The following PLVAP variants were observed in gnomAD, a reference collection of about 807,000 sequenced individuals.
PLVAP encodes the protein plasmalemma vesicle-associated protein.
PLVAP carries 34 observed loss-of-function variants against 43.1 expected under a neutral mutation model. The observed-to-expected ratio is 0.79, with a 90% CI of 0.60 to 1.05. PLVAP has a LOEUF of 1.05. Ranked by LOEUF, PLVAP falls within the 50% of genes least tolerant of loss-of-function variation. PLVAP has a pLI of 0.00. For synonymous variants in PLVAP, 241 were observed against 237.3 expected (o/e 1.02, Z -0.14); for missense variants, 574 against 593.4 (o/e 0.97, Z 0.34).
At chr19:17,375,887 A>G (rs1162813245) in intron 1 of PLVAP, among the ~76,000 whole-genome samples, 4 of 151,282 alleles carry the variant, frequency 2.6e-5, no homozygotes, top group Admixed American at 1.3e-4. Context: ...TCTCAAAAAA[A>G]AAAAAAAAAA....
At chr19:17,365,097 A>G (rs956635405) in intron 3 of PLVAP, among the ~76,000 whole-genome samples, 189 bp downstream of exon 3, 6 of 150,992 alleles carry the variant, frequency 4.0e-5, no homozygotes, top group African/African-American at 1.5e-4. Context: ...TTAACCCTAC[A>G]CTCTTCTCAA....
In PLVAP at chr19:17,366,124, G is replaced by T. The variant is rs34920409; in HGVS notation, c.441C>A (p.Phe147Leu). 0.013 allele frequency: 20,408 copies of T among 1,614,144 alleles called. 183 individuals carry two copies. Among genetic ancestry groups the T allele is most frequent in the Non-Finnish European group, 0.016 (18,584 of 1,180,022 alleles). Residue 147 changes from phenylalanine (F) to leucine (L), a missense_variant, in exon 2 of 6, where the codon TTC (phenylalanine) becomes TTA (leucine). Physicochemically the swap from Phe to Leu is conservative, Grantham distance 22 (BLOSUM62 0). Transcript: ENST00000252590. Reference sequence around the variant, plus strand: ...CATCGCAGCTCTTGTTCATGTCCTTGAATTGATCTCTGCATTGCTTCTCAC... The same window carrying T: ...CATCGCAGCTCTTGTTCATGTCCTTTAATTGATCTCTGCATTGCTTCTCAC... Reference protein sequence around the residue: ...ILSEKQCRDQFKDMNKSCDAL... With the variant: ...ILSEKQCRDQLKDMNKSCDAL...
At chr19:17,369,238 T>A (rs1166817093) in intron 1 of PLVAP, among the ~76,000 whole-genome samples, 3 of 151,170 alleles carry the variant, frequency 2.0e-5, no homozygotes, top group African/African-American at 4.8e-5. Flanking sequence ...CAGCCTGGAG[T>A]GCAGTGGCAC....
chr19:17,376,033 A>G (rs1255614601), intron 1 of PLVAP, among the ~76,000 whole-genome samples: 2 of 151,110 alleles, frequency 1.3e-5, no homozygotes, highest in Non-Finnish European at 2.9e-5. Context: ...ATAAAAAATG[A>G]CCTGGGCATA....
At chr19:17,373,063 C>T (rs1216219683) in intron 1 of PLVAP, among the ~76,000 whole-genome samples, 81 of 37,600 alleles carry the variant, frequency 2.2e-3, no homozygotes, top group African/African-American at 6.5e-3. Context: ...TAGACTCTGT[C>T]TCAAAAAAAA....
intron 1 of PLVAP, among the ~76,000 whole-genome samples, chr19:17,368,131 G>C (rs1203631667): frequency 6.8e-6 from 1 of 146,508 alleles, no homozygotes; most frequent in Non-Finnish European, 1.5e-5. Context: ...GAGTGCAATG[G>C]CATGATCTCG....
In PLVAP at chr19:17,365,723, G is replaced by A. The variant is rs1262089528; in HGVS notation, c.742C>T (p.Arg248Cys). Residue 248 changes from arginine to cysteine, a missense_variant, in exon 3 of 6, where the codon CGC becomes TGC. Coordinates refer to ENST00000252590, the MANE Select transcript of PLVAP (RefSeq NM_031310.3). ...TTGTAACCCAGGTTGTCCAGGCTGCGTGGGATAATGGAGTCCCTCCACAGG... is the reference window on the plus strand; with the variant it reads ...TTGTAACCCAGGTTGTCCAGGCTGCATGGGATAATGGAGTCCCTCCACAGG... ...RNLWRDSIIP[R>C]SLDNLGYNLY... 6.2e-7 allele frequency: 1 copy of A among 1,614,062 alleles called. No homozygotes were observed. Among genetic ancestry groups the A allele is most frequent in the Non-Finnish European group, 8.5e-7 (1 of 1,180,050 alleles).
chr19:17,376,989 C>A lies in PLVAP; in HGVS notation c.300G>T (p.Gln100His), dbSNP rs773487124. Reference protein sequence around the residue: ...FTTRAKDAIMQMWLNARRDLD... With the variant: ...FTTRAKDAIMHMWLNARRDLD... Reference sequence around the variant, plus strand: ...GGTCGCGGCGAGCATTCAGCCACATCTGCATGATGGCATCCTTGGCGCGGG... The same window carrying A: ...GGTCGCGGCGAGCATTCAGCCACATATGCATGATGGCATCCTTGGCGCGGG... Residue 100 changes from glutamine (Q) to histidine (H), a missense_variant, in exon 1 of 6, where the codon CAG becomes CAT. Coordinates refer to ENST00000252590, the MANE Select transcript of PLVAP (RefSeq NM_031310.3). The A allele has an allele frequency of 6.2e-6, 10 of 1,614,016 alleles. No homozygotes were observed. In the Admixed American group the frequency reaches 1.2e-4, roughly 19 times the overall value.
At chr19:17,372,562 T>C (rs909257522) in intron 1 of PLVAP, among the ~76,000 whole-genome samples, 5 of 149,396 alleles carry the variant, frequency 3.3e-5, no homozygotes, top group Non-Finnish European at 7.4e-5. Context: ...GTTCATGCCA[T>C]TCTCCTGCCT....
At chr19:17,366,788 C>G (rs894857773) in intron 1 of PLVAP, among the ~76,000 whole-genome samples, 1 of 151,774 alleles carries the variant, frequency 6.6e-6, no homozygotes, top group Non-Finnish European at 1.5e-5. Context: ...GCTGCCACCA[C>G]GACTGGCTAA....
intron 1 of PLVAP, among the ~76,000 whole-genome samples, chr19:17,374,016 GC>G: frequency 6.6e-6 from 1 of 152,024 alleles, no homozygotes; most frequent in African/African-American, 2.4e-5. Context: ...ACAAAACTTA[GC>G]CGGGCATGGT....
chr19:17,371,287 A>G (rs2074571168), intron 1 of PLVAP, among the ~76,000 whole-genome samples: 1 of 148,878 alleles, frequency 6.7e-6, no homozygotes, highest in African/African-American at 2.5e-5. Context: ...TCAGCCTCCC[A>G]AGTAGCTGGG....
chr19:17,352,701 C>T (rs977814134), intron 5 of PLVAP, among the ~76,000 whole-genome samples: 1 of 152,122 alleles, frequency 6.6e-6, no homozygotes. Flanking sequence ...GTTTGACTCT[C>T]CCCAGTGCCT....
intron 1 of PLVAP, among the ~76,000 whole-genome samples, chr19:17,373,578 C>T (rs1008868535): frequency 6.6e-6 from 1 of 152,034 alleles, no homozygotes; most frequent in Non-Finnish European, 1.5e-5. Context: ...CCTTCCCTCA[C>T]CCCACCCTCC....
At chr19:17,361,851 C>T (rs1190916892) in intron 3 of PLVAP, among the ~76,000 whole-genome samples, 1 of 151,964 alleles carries the variant, frequency 6.6e-6, no homozygotes, top group Non-Finnish European at 1.5e-5. Flanking sequence ...GGGCAGATCC[C>T]CTGAGGTCAG....
At chr19:17,356,629 T>C (rs2074507743) in intron 5 of PLVAP, among the ~76,000 whole-genome samples, 1 of 150,798 alleles carries the variant, frequency 6.6e-6, no homozygotes, top group Non-Finnish European at 1.5e-5. Flanking sequence ...GTGAGCCACT[T>C]TGTCCCACTA....
Position 17,351,997 on chromosome 19 carries a change from G to T in PLVAP, c.*365C>A. 1 of 332,862 alleles carries T rather than the reference G, an allele frequency of 3.0e-6. No homozygotes were observed. The highest frequency in any genetic ancestry group is 5.9e-5 in the South Asian group (1 of 16,940). 20.6% of individuals were successfully genotyped at this position (332,862 alleles called of 1,614,324 possible). On this transcript the variant is annotated 3_prime_UTR_variant, in exon 6 of 6. Coordinates refer to ENST00000252590, the MANE Select transcript of PLVAP (RefSeq NM_031310.3). ...CCCGTGACGTCGTTGCTGCATCTCG[G>T]TGTGACGTCATGCCAAGTTCCCCAT...
intron 1 of PLVAP, among the ~76,000 whole-genome samples, chr19:17,369,249 G>A (rs933554232): frequency 1.3e-5 from 2 of 151,034 alleles, no homozygotes; most frequent in Non-Finnish European, 3.0e-5. Context: ...GCAGTGGCAC[G>A]ATCTCGGCTC....
intron 1 of PLVAP, among the ~76,000 whole-genome samples, chr19:17,372,263 G>C (rs2074575090): frequency 6.6e-6 from 1 of 150,580 alleles, no homozygotes; most frequent in Admixed American, 6.6e-5. Context: ...CAAAAAATTA[G>C]CTGGGTTTGG....
Sources: gnomAD v4.1 joint callset for allele counts (sites outside exome capture counted in the v4.1 genomes callset) on GRCh38, gnomAD v4.1.1 for gene constraint, MANE v1.5 for transcripts, NCBI Gene and HGNC (gene_info 2026-07-23, HGNC 2026-07-21) for gene names.